The following THSD4 variants were observed in gnomAD, a reference collection of about 807,000 sequenced individuals.
THSD4 encodes the protein thrombospondin type-1 domain-containing protein 4.
THSD4 carries 69 observed loss-of-function variants against 119.0 expected under a neutral mutation model. That is an observed-to-expected ratio of 0.58 (90% CI 0.48 to 0.71). The LOEUF (loss-of-function observed/expected upper bound fraction) is 0.71, where lower values mean the gene tolerates loss of function less well. THSD4 is among the 30% of genes least tolerant of loss of function. The pLI is 0.00. For missense variants in THSD4, 1,393 were observed against 1,391.1 expected (o/e 1.00, Z -0.02); for synonymous variants, 524 against 540.4 (o/e 0.97, Z 0.42).
At chr15:71,729,023 C>T (rs1329719524) in intron 9 of THSD4, 2 of 402,110 alleles carry the variant, frequency 5.0e-6, no homozygotes, top group Non-Finnish European at 9.3e-6. Context: ...CCCTTTATTT[C>T]ATGAGCATTG....
At chr15:71,160,220 C>T (rs967135919) in intron 3 of THSD4, among the ~76,000 whole-genome samples, 2 of 151,236 alleles carry the variant, frequency 1.3e-5, no homozygotes, top group African/African-American at 2.4e-5. Flanking sequence ...ATTCAGTTTG[C>T]GTCTTGTTGA....
intron 7 of THSD4, among the ~76,000 whole-genome samples, chr15:71,442,579 A>AAAAAAAT (rs1195413080): frequency 0.023 from 912 of 39,752 alleles, 107 homozygotes; most frequent in Non-Finnish European, 0.035. Context: ...AAAAAAAAAA[A>AAAAAAAT]ATATATATAT....
chr15:71,776,220 A>G (rs1595940731), intron 17 of THSD4, among the ~76,000 whole-genome samples: 1 of 152,252 alleles, frequency 6.6e-6, no homozygotes, highest in East Asian at 1.9e-4. Flanking sequence ...ACATATTATA[A>G]TATCAATTAC....
chr15:71,323,752 G>GA (rs1377840778), intron 6 of THSD4, among the ~76,000 whole-genome samples: 2 of 152,176 alleles, frequency 1.3e-5, no homozygotes, highest in African/African-American at 4.8e-5. Context: ...AACAGACACA[G>GA]AGTTGTTTTT....
chr15:71,217,185 A>T (rs2043940027), intron 4 of THSD4, among the ~76,000 whole-genome samples: 1 of 152,222 alleles, frequency 6.6e-6, no homozygotes. Flanking sequence ...GACATATTTC[A>T]CATGTTAATA....
intron 8 of THSD4, among the ~76,000 whole-genome samples, chr15:71,679,468 C>G (rs1054461152): frequency 1.3e-5 from 2 of 152,216 alleles, no homozygotes; most frequent in African/African-American, 4.8e-5. Flanking sequence ...CCAAAAAAGC[C>G]AGCCGCCAAG....
intron 4 of THSD4, among the ~76,000 whole-genome samples, chr15:71,240,325 G>A (rs920093625): frequency 1.3e-5 from 2 of 152,120 alleles, no homozygotes; most frequent in African/African-American, 4.8e-5. Context: ...GAGGTTTTTG[G>A]TTTGAATTTC....
chr15:71,387,660 G>A (rs182703621), intron 6 of THSD4, among the ~76,000 whole-genome samples: 7 of 152,218 alleles, frequency 4.6e-5, no homozygotes, highest in South Asian at 2.1e-4. Context: ...CTTTCATCCC[G>A]AACTTGCTTT....
At chr15:71,509,683 A>G (rs1005580837) in intron 7 of THSD4, among the ~76,000 whole-genome samples, 9 of 152,212 alleles carry the variant, frequency 5.9e-5, no homozygotes, top group Non-Finnish European at 1.5e-5. Context: ...TGTATCTTGC[A>G]GGCAGTAGGA....
At chr15:71,719,687 A>AT (rs2052676642) in intron 8 of THSD4, among the ~76,000 whole-genome samples, 1 of 152,072 alleles carries the variant, frequency 6.6e-6, no homozygotes, top group African/African-American at 2.4e-5. Flanking sequence ...CAAAACATGT[A>AT]TTTTTTGAGA....
intron 6 of THSD4, among the ~76,000 whole-genome samples, chr15:71,336,639 G>T (rs993253768): frequency 3.3e-5 from 5 of 152,176 alleles, no homozygotes; most frequent in African/African-American, 1.2e-4. Flanking sequence ...TTATATTTCT[G>T]TAAGAGGTGC....
At chr15:71,149,611 GCT>G (rs768356300) in intron 2 of THSD4, among the ~76,000 whole-genome samples, 5 of 152,106 alleles carry the variant, frequency 3.3e-5, no homozygotes, top group Admixed American at 1.3e-4. Context: ...TAAGATTTTG[GCT>G]CTCTTTTGCT....
intron 7 of THSD4, among the ~76,000 whole-genome samples, chr15:71,439,307 C>T (rs966889777): frequency 2.0e-5 from 3 of 152,124 alleles, no homozygotes; most frequent in Admixed American, 6.5e-5. Context: ...TTTCTACTTA[C>T]TCTTCTTGTG....
intron 6 of THSD4, among the ~76,000 whole-genome samples, chr15:71,278,145 T>C (rs1219185363): frequency 6.6e-6 from 1 of 152,194 alleles, no homozygotes; most frequent in Admixed American, 6.5e-5. Flanking sequence ...GTCCCACATT[T>C]TAATTTCAAA....
chr15:71,685,860 G>A (rs1298912694), intron 8 of THSD4, among the ~76,000 whole-genome samples: 4 of 152,082 alleles, frequency 2.6e-5, no homozygotes, highest in African/African-American at 9.7e-5. Flanking sequence ...TCTTAGAGTT[G>A]TTATGGAAAT....
intron 7 of THSD4, among the ~76,000 whole-genome samples, chr15:71,475,301 T>C (rs1171292299): frequency 1.3e-5 from 2 of 152,230 alleles, no homozygotes; most frequent in Non-Finnish European, 2.9e-5. Context: ...AGCATTTTTG[T>C]GGAAAAGGAA....
chr15:71,487,666 T>C (rs2047843565), intron 7 of THSD4, among the ~76,000 whole-genome samples: 2 of 152,248 alleles, frequency 1.3e-5, no homozygotes. Flanking sequence ...TGGTATATAA[T>C]TCAAGAATGT....
At chr15:71,366,733 G>C (rs1016227288) in intron 6 of THSD4, among the ~76,000 whole-genome samples, 1 of 151,990 alleles carries the variant, frequency 6.6e-6, no homozygotes, top group African/African-American at 2.4e-5. Flanking sequence ...TATTTGCTCC[G>C]ATCATCTCCA....
At chr15:71,159,964 A>G (rs886637624) in intron 3 of THSD4, among the ~76,000 whole-genome samples, 2 of 152,132 alleles carry the variant, frequency 1.3e-5, no homozygotes, top group Admixed American at 6.5e-5. Context: ...TTTGTCATAT[A>G]CGACCTTTAT....
Sources: allele counts gnomAD v4.1 joint callset (sites outside exome capture counted in the v4.1 genomes callset), GRCh38; gene constraint gnomAD v4.1.1; transcripts MANE v1.5; gene names NCBI Gene and HGNC (gene_info 2026-07-23, HGNC 2026-07-21).